CADM2: variants seen among roughly 807,000 people sequenced by gnomAD.
The protein encoded by CADM2 is immunoglobulin superfamily member 4D.
In CADM2, 12 loss-of-function variants were observed where a neutral mutation model predicts 49.8. That is an observed-to-expected ratio of 0.24 (90% confidence interval 0.15 to 0.39). The LOEUF is 0.39. CADM2 is among the 10% of genes least tolerant of loss of function. CADM2 has a pLI of 1.00. For missense variants in CADM2, 378 were observed against 492.3 expected, an observed-to-expected ratio of 0.77 and a Z score of 2.20; for synonymous variants, 214 against 175.4, an observed-to-expected ratio of 1.22 and a Z score of -1.74.
At position 85,471,118 on chromosome 3, in the gene CADM2, G is replaced by T. The variant is rs184865006; in HGVS notation, c.62-255404G>T. 1.7e-4 allele frequency among the ~76,000 whole-genome samples: 26 copies of T among 152,194 alleles called. No individual in the cohort carries two copies. The East Asian group carries it at 4.8e-3, about 28-fold the overall frequency. ...TATTTTAAAGCACTTGGAGTTTTATGTCTGTCTTAAAATAGCCTAAAAGTG... is the reference window on the plus strand; with the variant it reads ...TATTTTAAAGCACTTGGAGTTTTATTTCTGTCTTAAAATAGCCTAAAAGTG... On this transcript the variant is annotated intron_variant, in intron 1 of 9. Coordinates refer to ENST00000383699, the MANE Select transcript of CADM2 (RefSeq NM_001167675.2).
rs542726475 is a variant in CADM2 at position 85,448,660 on chromosome 3, G to T, written c.62-277862G>T. Among the ~76,000 whole-genome samples the T allele has an allele frequency of 1.3e-3, 200 of 152,126 alleles. No homozygotes were observed. In the South Asian group the frequency reaches 0.017, roughly 13 times the overall value. On this transcript the variant is annotated intron_variant, in intron 1 of 9. Coordinates refer to ENST00000383699, the MANE Select transcript of CADM2 (RefSeq NM_001167675.2). ...ACATAATCATTTCTAAGTTTAAACA[G>T]GTCTGACTTTGACAAAGTTACTTAA...
At chr3:85,102,444 A>C (rs2038051981) in intron 1 of CADM2, among the ~76,000 whole-genome samples, 1 of 152,198 alleles carries the variant, frequency 6.6e-6, no homozygotes, top group African/African-American at 2.4e-5. Flanking sequence ...ACATAATCAC[A>C]ACTAAAATCA....
chr3:85,252,010 G>A (rs561224002), intron 1 of CADM2, among the ~76,000 whole-genome samples: 2 of 151,912 alleles, frequency 1.3e-5, no homozygotes, highest in Admixed American at 6.6e-5. Context: ...TGCCATGTTA[G>A]CATTTTCAAT....
intron 1 of CADM2, among the ~76,000 whole-genome samples, chr3:85,586,345 A>G (rs2062945228): frequency 6.6e-6 from 1 of 152,106 alleles, no homozygotes; most frequent in Non-Finnish European, 1.5e-5. Flanking sequence ...TCCTTAAAAC[A>G]AAACAAAAAC....
chr3:85,961,358 A>G (rs999990489), intron 7 of CADM2, 111 bp from the exon 8 acceptor site: 44 of 878,240 alleles, frequency 5.0e-5, no homozygotes, highest in East Asian at 1.1e-4. Flanking sequence ...AGAAGTTAGC[A>G]TATGGTTGTG....
At chr3:85,587,893 C>T (rs1045881507) in intron 1 of CADM2, among the ~76,000 whole-genome samples, 1 of 151,910 alleles carries the variant, frequency 6.6e-6, no homozygotes, top group Non-Finnish European at 1.5e-5. Flanking sequence ...TACAGACACG[C>T]GTCACCATCC....
intron 1 of CADM2, among the ~76,000 whole-genome samples, chr3:85,215,118 A>G (rs2041888155): frequency 6.6e-6 from 1 of 152,086 alleles, no homozygotes; most frequent in Non-Finnish European, 1.5e-5. Context: ...CATGGGGAGT[A>G]ATGCCTGGGC....
intron 1 of CADM2, among the ~76,000 whole-genome samples, chr3:85,590,206 C>G (rs1164026194): frequency 1.3e-5 from 2 of 151,872 alleles, no homozygotes; most frequent in African/African-American, 4.8e-5. Context: ...AATAGAAAAT[C>G]ATCTAGGGAA....
chr3:85,568,039 G>C (rs2062320378), intron 1 of CADM2, among the ~76,000 whole-genome samples: 2 of 152,166 alleles, frequency 1.3e-5, no homozygotes, highest in African/African-American at 4.8e-5. Flanking sequence ...TTCTTACTAA[G>C]TCCACTGAGT....
intron 1 of CADM2, among the ~76,000 whole-genome samples, chr3:85,361,588 T>A (rs1408413374): frequency 6.6e-6 from 1 of 152,190 alleles, no homozygotes; most frequent in Non-Finnish European, 1.5e-5. Context: ...GAAGCTTTTT[T>A]CTTCACTCCC....
chr3:85,082,395 A>G (rs906876258), intron 1 of CADM2, among the ~76,000 whole-genome samples: 1 of 152,216 alleles, frequency 6.6e-6, no homozygotes, highest in Non-Finnish European at 1.5e-5. Context: ...TGCACAGGGC[A>G]TATTATTTTG....
intron 1 of CADM2, among the ~76,000 whole-genome samples, chr3:85,654,536 C>T (rs2065141280): frequency 6.6e-6 from 1 of 151,822 alleles, no homozygotes; most frequent in Non-Finnish European, 1.5e-5. Context: ...GATTGTCAGC[C>T]AGGAAAGAAT....
At chr3:85,256,801 AT>A (rs1253282245) in intron 1 of CADM2, among the ~76,000 whole-genome samples, 1 of 152,040 alleles carries the variant, frequency 6.6e-6, no homozygotes, top group East Asian at 1.9e-4. Flanking sequence ...ATATTGAACT[AT>A]TTTACCACAA....
At chr3:85,118,826 T>C (rs1304988739) in intron 1 of CADM2, among the ~76,000 whole-genome samples, 1 of 152,228 alleles carries the variant, frequency 6.6e-6, no homozygotes, top group African/African-American at 2.4e-5. Flanking sequence ...CTCCGCTCAC[T>C]GCAACCTCTG....
intron 1 of CADM2, among the ~76,000 whole-genome samples, chr3:85,058,458 T>G (rs1040922185): frequency 6.6e-6 from 1 of 152,168 alleles, no homozygotes; most frequent in Non-Finnish European, 1.5e-5. Flanking sequence ...TTTTTTATTT[T>G]TTTGAGACAG....
At position 85,254,877 on chromosome 3, in the gene CADM2, C is replaced by G. The variant is rs562429275; in HGVS notation, c.61+295209C>G. Reference sequence around the variant, plus strand: ...TCCTCTCCTCCCTCCTTCTGTCTCTCTCCAGTGCTTCCCGTTTGCGGGTCT... The same window carrying G: ...TCCTCTCCTCCCTCCTTCTGTCTCTGTCCAGTGCTTCCCGTTTGCGGGTCT... On this transcript the variant is annotated intron_variant, in intron 1 of 9. Coordinates refer to ENST00000383699, the MANE Select transcript of CADM2 (RefSeq NM_001167675.2). Among the ~76,000 whole-genome samples, 15 of 152,204 alleles carry G rather than the reference C, an allele frequency of 9.9e-5. No homozygotes were observed. In the South Asian group the frequency reaches 2.7e-3, roughly 27 times the overall value.
chr3:85,671,091 T>G (rs1009137441), intron 1 of CADM2, among the ~76,000 whole-genome samples: 13 of 152,214 alleles, frequency 8.5e-5, no homozygotes, highest in African/African-American at 1.2e-4. Context: ...AAAAGTGCTT[T>G]GTTGGACAAA....
At chr3:86,022,573 T>G (rs1733338839) in intron 8 of CADM2, among the ~76,000 whole-genome samples, 1 of 152,196 alleles carries the variant, frequency 6.6e-6, no homozygotes, top group Non-Finnish European at 1.5e-5. Context: ...ATTATAACCT[T>G]GCTTTTGTCA....
chr3:85,492,918 G>C (rs1263948302), intron 1 of CADM2, among the ~76,000 whole-genome samples: 1 of 151,984 alleles, frequency 6.6e-6, no homozygotes, highest in Non-Finnish European at 1.5e-5. Context: ...ACTTTGCCTG[G>C]TACTAGACTG....
Sources: gnomAD v4.1 joint callset for allele counts (sites outside exome capture counted in the v4.1 genomes callset) on GRCh38, gnomAD v4.1.1 for gene constraint, MANE v1.5 for transcripts, NCBI Gene and HGNC (gene_info 2026-07-23, HGNC 2026-07-21) for gene names.